The following MRPL39 variants were observed in gnomAD, a reference collection of about 807,000 sequenced individuals.
The protein encoded by MRPL39 is large ribosomal subunit protein mL39.
Under a neutral mutation model 44.5 loss-of-function variants are expected in MRPL39, and 35 were observed. That is an observed-to-expected ratio of 0.79 (90% CI 0.60 to 1.04). The LOEUF is 1.04. Among genes scored for constraint, MRPL39 ranks in the 50% least tolerant of loss-of-function variants. The pLI, the probability that MRPL39 is intolerant of heterozygous loss-of-function variation, is 0.00. For missense variants in MRPL39, 433 were observed against 413.5 expected (o/e 1.05, Z -0.41); for synonymous variants, 139 against 136.1 (o/e 1.02, Z -0.15).
At chr21:25,592,017 C>T (rs1054243672) in intron 8 of MRPL39, among the ~76,000 whole-genome samples, 4 of 152,128 alleles carry the variant, frequency 2.6e-5, no homozygotes, top group African/African-American at 7.2e-5. Flanking sequence ...TCAATGTACT[C>T]GGATGAAATC....
chr21:25,603,975 G>C (rs2031595368), intron 2 of MRPL39, 40 bp from the exon 3 acceptor site: 1 of 1,572,196 alleles, frequency 6.4e-7, no homozygotes, highest in Admixed American at 1.9e-5. Context: ...ACAAAATCCA[G>C]AGTGAAAAGT....
intron 2 of MRPL39, among the ~76,000 whole-genome samples, chr21:25,605,273 A>G (rs2031629850): frequency 6.6e-6 from 1 of 152,248 alleles, no homozygotes; most frequent in African/African-American, 2.4e-5. Flanking sequence ...CTATCAAAAC[A>G]TTTTGATCAA....
rs370008264 is a variant in MRPL39 at position 25,601,358 on chromosome 21, T to C, written c.520+10A>G. On this transcript the variant is annotated intron_variant, in intron 4 of 9. Transcript: ENST00000352957. Reference sequence around the variant, plus strand: ...TAAGGATCACAAAAAGACATATATGTATACACTACCAGGAACTTCTGGAGC... The same window carrying C: ...TAAGGATCACAAAAAGACATATATGCATACACTACCAGGAACTTCTGGAGC... The C allele has an allele frequency of 6.3e-6, 10 of 1,591,596 alleles. No homozygotes were observed. Among genetic ancestry groups the C allele is most frequent in the Non-Finnish European group, 8.6e-6 (10 of 1,162,960 alleles).
chr21:25,603,648 CT>C (rs1381565354), intron 3 of MRPL39, 147 bp downstream of exon 3: 1 of 793,736 alleles, frequency 1.3e-6, no homozygotes, highest in Non-Finnish European at 1.9e-6. Context: ...ACAAAAGTGC[CT>C]AATCTAACAG....
chr21:25,591,409 G>A (rs930347417), intron 8 of MRPL39, among the ~76,000 whole-genome samples: 11 of 152,014 alleles, frequency 7.2e-5, no homozygotes, highest in South Asian at 2.1e-4. Context: ...AGAGAAATCT[G>A]AAAACTACAT....
At chr21:25,606,274 G>A (rs2031663574) in intron 2 of MRPL39, among the ~76,000 whole-genome samples, 175 bp downstream of exon 2, 1 of 152,120 alleles carries the variant, frequency 6.6e-6, no homozygotes, top group Non-Finnish European at 1.5e-5. Flanking sequence ...TTTTAGCTAG[G>A]TCTGTGATGT....
chr21:25,605,815 G>T (rs1261993058), intron 2 of MRPL39, among the ~76,000 whole-genome samples: 1 of 152,166 alleles, frequency 6.6e-6, no homozygotes, highest in Non-Finnish European at 1.5e-5. Context: ...GAGGCTAGGA[G>T]TTTCAGTGAG....
intron 2 of MRPL39, 152 bp from the exon 3 acceptor site, chr21:25,604,087 T>TAAA: frequency 1.7e-6 from 1 of 579,848 alleles, no homozygotes; most frequent in Non-Finnish European, 2.7e-6. Flanking sequence ...TATAATCAAT[T>TAAA]AAAAAAAAAA....
At chr21:25,593,985 T>C in intron 6 of MRPL39, 27 bp from the exon 7 acceptor site, 1 of 1,589,514 alleles carries the variant, frequency 6.3e-7, no homozygotes, top group South Asian at 1.1e-5. Context: ...AAAAAAACAT[T>C]TTTTTAACTC....
chr21:25,599,668 AC>A, intron 5 of MRPL39, 130 bp downstream of exon 5: 1 of 735,282 alleles, frequency 1.4e-6, no homozygotes, highest in East Asian at 2.7e-5. Flanking sequence ...ATACATAGAT[AC>A]ATAGATAGAT....
rs747263349 is a variant in MRPL39, at chr21:25,603,880, A to T, written c.336T>A (p.Pro112=). 3 of 1,613,070 alleles carry T rather than the reference A, an allele frequency of 1.9e-6. No homozygotes were observed. In the East Asian group the frequency reaches 6.7e-5, roughly 36 times the overall value. Residue 112 remains proline (P), a synonymous_variant, in exon 3 of 10, where the codon CCT becomes CCA. Transcript: ENST00000352957. The part of the protein sequence containing the change: ...KSILALVDGQ[P]WDMYKPLTKS... Reference sequence around the variant, plus strand: ...TTGTTAAAGGCTTATACATGTCCCAAGGCTGTCCATCCACCAGAGCCAGAA... The same window carrying T: ...TTGTTAAAGGCTTATACATGTCCCATGGCTGTCCATCCACCAGAGCCAGAA...
intron 3 of MRPL39, among the ~76,000 whole-genome samples, 180 bp downstream of exon 3, chr21:25,603,616 T>A (rs905897577): frequency 1.3e-5 from 2 of 152,178 alleles, no homozygotes; most frequent in Non-Finnish European, 2.9e-5. Flanking sequence ...CACAAATGGA[T>A]GCCACTGATA....
At chr21:25,593,071 G>A (rs950847518) in intron 7 of MRPL39, 106 bp from the exon 8 acceptor site, 3 of 990,290 alleles carry the variant, frequency 3.0e-6, no homozygotes, top group African/African-American at 1.6e-5. Flanking sequence ...CCCTAATCAA[G>A]AACATTATAT....
rs1343159217 is a variant in MRPL39, at chr21:25,606,610, A to T, written c.119T>A (p.Leu40Ter). The change falls in exon 2 of 10, where the codon TTG (leucine) becomes TAG (stop). Residue 40 changes from leucine to a stop codon, truncating the protein, a stop_gained. Coordinates refer to ENST00000352957, the MANE Select transcript of MRPL39 (RefSeq NM_017446.4). LOFTEE classifies it high-confidence loss of function. The stretch of plus-strand genomic sequence containing the variant: ...AAAGAGATCATTCCGCATTTCTGTC[A>T]ATTCTGTCGGTGACAGCTGAGAAGC... ...SSASQLSPTE[L>*]TEMRNDLFNK... The T allele has an allele frequency of 2.5e-6, 4 of 1,613,928 alleles. No homozygotes were observed. Among genetic ancestry groups the T allele is most frequent in the African/African-American group, 1.3e-5 (1 of 74,920 alleles).
chr21:25,588,598 G>A (rs1271084782), intron 9 of MRPL39, among the ~76,000 whole-genome samples: 2 of 152,062 alleles, frequency 1.3e-5, no homozygotes, highest in Non-Finnish European at 2.9e-5. Context: ...TTCTCTTCAA[G>A]TTCTACAATA....
At position 25,601,459 on chromosome 21, in the gene MRPL39, C is replaced by T. The variant is rs2031522061; in HGVS notation, c.429G>A (p.Trp143Ter). The change falls in exon 4 of 10, where the codon TGG becomes TGA. Residue 143 changes from tryptophan (W) to a stop codon, truncating the protein, a stop_gained. Coordinates refer to ENST00000352957, the MANE Select transcript of MRPL39 (RefSeq NM_017446.4). LOFTEE classifies it high-confidence loss of function. Reference protein sequence around the residue: ...CDPGEVNKAYWRSCAMMMGCV... With the variant: ...CDPGEVNKAY ...AGCCCATCATCATAGCACAGGAACG[C>T]CAATATGCCTAGAAAAAAAATATAC... 6.3e-7 allele frequency: 1 copy of T among 1,575,550 alleles called. No individual in the cohort carries two copies. Among genetic ancestry groups the T allele is most frequent in the Non-Finnish European group, 8.6e-7 (1 of 1,160,682 alleles).
rs530314803 is a variant in MRPL39 at position 25,596,193 on chromosome 21, G to C, written c.701+1109C>G. Among the ~76,000 whole-genome samples the C allele has an allele frequency of 6.6e-5, 10 of 152,208 alleles. No homozygotes were observed. The South Asian group carries it at 2.1e-3, about 32-fold the overall frequency. ...GGCTCACTGCAAGCTCCGCCTCCCGGGTTCACGCCATTCTCCTGCCTCAGC... is the reference window on the plus strand; with the variant it reads ...GGCTCACTGCAAGCTCCGCCTCCCGCGTTCACGCCATTCTCCTGCCTCAGC... On this transcript the variant is annotated intron_variant, in intron 6 of 9. Coordinates refer to ENST00000352957, the MANE Select transcript of MRPL39 (RefSeq NM_017446.4).
intron 5 of MRPL39, among the ~76,000 whole-genome samples, chr21:25,599,121 C>A (rs555708502): frequency 6.6e-6 from 1 of 152,180 alleles, no homozygotes; most frequent in East Asian, 1.9e-4. Context: ...CCATCAGCAC[C>A]CCTTACCTAC....
intron 6 of MRPL39, among the ~76,000 whole-genome samples, chr21:25,594,742 C>T (rs1477209766): frequency 6.6e-6 from 1 of 152,112 alleles, no homozygotes; most frequent in African/African-American, 2.4e-5. Flanking sequence ...TTCTAATCTA[C>T]CTACCTCTTC....
Sources: gnomAD v4.1 joint callset for allele counts (sites outside exome capture counted in the v4.1 genomes callset) on GRCh38, gnomAD v4.1.1 for gene constraint, MANE v1.5 for transcripts, NCBI Gene and HGNC (gene_info 2026-07-23, HGNC 2026-07-21) for gene names.